The following MRTFA variants were observed in gnomAD, a reference collection of about 807,000 sequenced individuals.
MRTFA encodes myocardin related transcription factor A.
In MRTFA, 20 loss-of-function variants were observed where a neutral mutation model predicts 83.5. The ratio of observed to expected loss-of-function variants is 0.24; its 90% CI spans 0.17 to 0.35. MRTFA has a LOEUF of 0.35. Ranked by LOEUF, MRTFA falls within the 10% of genes least tolerant of loss-of-function variation. MRTFA has a pLI of 1.00. For missense variants in MRTFA, 1,200 were observed against 1,224.7 expected, an observed-to-expected ratio of 0.98 and a Z score of 0.30; for synonymous variants, 659 against 541.2, an observed-to-expected ratio of 1.22 and a Z score of -3.02.
At chr22:40,454,371 C>T (rs1337882599) in intron 4 of MRTFA, among the ~76,000 whole-genome samples, 1 of 152,188 alleles carries the variant, frequency 6.6e-6, no homozygotes, top group Non-Finnish European at 1.5e-5. Context: ...TCACCTTGGC[C>T]TCCCAAAGTG....
At chr22:40,590,596 G>A (rs1267683188) in intron 2 of MRTFA, among the ~76,000 whole-genome samples, 5 of 149,502 alleles carry the variant, frequency 3.3e-5, no homozygotes, top group African/African-American at 1.3e-4. Context: ...GAACCCAGGA[G>A]GCGGAGGCGG....
chr22:40,417,845 C>G (rs1312163872), intron 12 of MRTFA: 1 of 274,558 alleles, frequency 3.6e-6, no homozygotes. Context: ...TTCTCTACCC[C>G]CAAGTTCTGC....
At chr22:40,530,114 T>C (rs2055051748) in intron 3 of MRTFA, among the ~76,000 whole-genome samples, 2 of 152,190 alleles carry the variant, frequency 1.3e-5, no homozygotes, top group African/African-American at 4.8e-5. Flanking sequence ...TTGTTATAAC[T>C]AAGAGGACTG....
At chr22:40,627,057 G>GC (rs112497956) in intron 1 of MRTFA, among the ~76,000 whole-genome samples, 15,305 of 151,534 alleles carry the variant, frequency 0.1, 930 homozygotes, top group East Asian at 0.25. Context: ...AGAGACCCTG[G>GC]ATCACTTACC....
intron 11 of MRTFA, among the ~76,000 whole-genome samples, 193 bp from the exon 12 acceptor site, chr22:40,419,577 A>T (rs1052538005): frequency 6.6e-6 from 1 of 152,162 alleles, no homozygotes; most frequent in Admixed American, 6.5e-5. Context: ...TTCTCACTCT[A>T]GCAGGGGTCT....
intron 11 of MRTFA, among the ~76,000 whole-genome samples, chr22:40,420,120 G>C (rs1383114482): frequency 6.6e-6 from 1 of 152,244 alleles, no homozygotes; most frequent in Non-Finnish European, 1.5e-5. Context: ...GTAAGTCGAG[G>C]AAGATAAGAG....
At chr22:40,448,509 T>G (rs146485332) in intron 4 of MRTFA, among the ~76,000 whole-genome samples, 4 of 152,314 alleles carry the variant, frequency 2.6e-5, no homozygotes, top group African/African-American at 9.6e-5. Flanking sequence ...AAATGCATGA[T>G]GGGTTACCAA....
chr22:40,617,963 G>A (rs2056473753), intron 1 of MRTFA, among the ~76,000 whole-genome samples: 1 of 152,110 alleles, frequency 6.6e-6, no homozygotes, highest in African/African-American at 2.4e-5. Context: ...ATCATCTAGT[G>A]GGAAGAGACG....
intron 3 of MRTFA, among the ~76,000 whole-genome samples, chr22:40,468,166 G>T (rs1311713826): frequency 2.0e-5 from 3 of 152,296 alleles, no homozygotes; most frequent in Non-Finnish European, 4.4e-5. Flanking sequence ...GAAGGATGTT[G>T]ATAGGATTCG....
At chr22:40,539,737 C>T (rs978253200) in intron 3 of MRTFA, among the ~76,000 whole-genome samples, 4 of 151,706 alleles carry the variant, frequency 2.6e-5, no homozygotes, top group African/African-American at 9.7e-5. Flanking sequence ...CTCTTGACCT[C>T]GTGATCCGCC....
At chr22:40,613,319 G>A (rs779446014) in intron 1 of MRTFA, among the ~76,000 whole-genome samples, 1 of 151,924 alleles carries the variant, frequency 6.6e-6, no homozygotes, top group Non-Finnish European at 1.5e-5. Flanking sequence ...GTTTTTTGTT[G>A]ACTGTATGTT....
At chr22:40,548,187 C>G (rs11703337) in intron 3 of MRTFA, among the ~76,000 whole-genome samples, 2 of 151,334 alleles carry the variant, frequency 1.3e-5, no homozygotes, top group Non-Finnish European at 2.9e-5. Flanking sequence ...GGTGAAATCC[C>G]GTCTCTACTA....
chr22:40,617,951 C>T (rs955855773), intron 1 of MRTFA, among the ~76,000 whole-genome samples: 1 of 151,984 alleles, frequency 6.6e-6, no homozygotes, highest in Admixed American at 6.6e-5. Context: ...CTTGTACAGA[C>T]GATCATCTAG....
chr22:40,446,069 C>T (rs1305952432), intron 4 of MRTFA, among the ~76,000 whole-genome samples: 1 of 152,148 alleles, frequency 6.6e-6, no homozygotes, highest in Admixed American at 6.5e-5. Context: ...TTCTTAACAT[C>T]AAGGGGCATA....
At chr22:40,489,734 T>C (rs1479811895) in intron 3 of MRTFA, among the ~76,000 whole-genome samples, 2 of 152,078 alleles carry the variant, frequency 1.3e-5, no homozygotes, top group African/African-American at 2.4e-5. Flanking sequence ...ATCCCAGCAC[T>C]CTGGGAAGCC....
At chr22:40,513,184 C>T (rs1363302307) in intron 3 of MRTFA, among the ~76,000 whole-genome samples, 1 of 152,162 alleles carries the variant, frequency 6.6e-6, no homozygotes, top group Admixed American at 6.5e-5. Context: ...AGTACCAAAT[C>T]TCTCACAAAA....
intron 1 of MRTFA, among the ~76,000 whole-genome samples, chr22:40,620,424 T>A (rs2056508393): frequency 4.7e-5 from 2 of 42,778 alleles, no homozygotes; most frequent in East Asian, 1.4e-3. Context: ...ACATGCAGTC[T>A]TTTTTTTTTT....
chr22:40,482,949 AGG>A (rs1439609984), intron 3 of MRTFA, among the ~76,000 whole-genome samples: 3 of 152,084 alleles, frequency 2.0e-5, no homozygotes, highest in African/African-American at 7.2e-5. Context: ...TGGGCAACAC[AGG>A]GAGACAACAT....
intron 3 of MRTFA, among the ~76,000 whole-genome samples, chr22:40,545,275 GA>G (rs1569321551): frequency 6.6e-6 from 1 of 152,098 alleles, no homozygotes; most frequent in African/African-American, 2.4e-5. Flanking sequence ...AATATACCTT[GA>G]AAGTTTTTAT....
Sources: allele counts gnomAD v4.1 joint callset (sites outside exome capture counted in the v4.1 genomes callset), GRCh38; gene constraint gnomAD v4.1.1; transcripts MANE v1.5; gene names NCBI Gene and HGNC (gene_info 2026-07-23, HGNC 2026-07-21).